The following SUPT5H variants were observed in gnomAD, a reference collection of about 807,000 sequenced individuals.
SUPT5H encodes the protein transcription elongation factor SPT5.
In SUPT5H, 24 loss-of-function variants were observed where a neutral mutation model predicts 142.5. That is an observed-to-expected ratio of 0.17 (90% confidence interval 0.12 to 0.24). SUPT5H has a LOEUF of 0.24. Among genes scored for constraint, SUPT5H ranks in the 10% least tolerant of loss-of-function variants. The probability of loss-of-function intolerance (pLI) is 1.00; values close to 1 mark genes in which losing one functional copy is unlikely to be tolerated. For synonymous variants in SUPT5H, 546 were observed against 553.0 expected, an observed-to-expected ratio of 0.99 and a Z score of 0.18; for missense variants, 893 against 1,471.8, an observed-to-expected ratio of 0.61 and a Z score of 6.43.
intron 9 of SUPT5H, 142 bp from the exon 10 acceptor site, chr19:39,459,750 C>T (rs2079137191): frequency 2.3e-6 from 3 of 1,279,250 alleles, no homozygotes; most frequent in Admixed American, 1.8e-5. Context: ...TATCTCCCAC[C>T]TCCATCTTCC....
Position 39,470,293 on chromosome 19 carries a change from C to T in SUPT5H, c.1530+19C>T, listed in dbSNP as rs113504627. 2.0e-5 allele frequency: 31 copies of T among 1,553,260 alleles called. No individual in the cohort carries two copies. Among genetic ancestry groups the T allele is most frequent in the Middle Eastern group, 3.4e-4 (2 of 5,810 alleles). On this transcript the variant is annotated intron_variant, in intron 17 of 29. Transcript: ENST00000432763. This position sits in a 1 kb window ranked among gnomAD's most constrained non-coding sequence, Gnocchi z 5.8. Reference sequence around the variant, plus strand: ...GCATGAGGTAGGTGGATAGAAGGGTCGGGGAAGGGTGCACGTGCCAAGAGG... The same window carrying T: ...GCATGAGGTAGGTGGATAGAAGGGTTGGGGAAGGGTGCACGTGCCAAGAGG...
At position 39,471,348 on chromosome 19, in the gene SUPT5H, C is replaced by G. The variant is rs1300251241; in HGVS notation, c.1678-9C>G. 6.2e-7 allele frequency: 1 copy of G among 1,614,168 alleles called. No individual in the cohort carries two copies. The highest frequency in any genetic ancestry group is 8.5e-7 in the Non-Finnish European group (1 of 1,180,022). On this transcript the variant is annotated splice_polypyrimidine_tract_variant and intron_variant, in intron 18 of 29. Coordinates refer to ENST00000432763, the MANE Select transcript of SUPT5H (RefSeq NM_001111020.3). ...TCACCCCCACAGCCTCCCTGCTCTC[C>G]CTCTGTAGGTGCTGAACATGTACGG...
At position 39,476,223 on chromosome 19, in the gene SUPT5H, C is replaced by G. The variant is rs967954051; in HGVS notation, c.3121-33C>G. 3 of 1,613,972 alleles carry G rather than the reference C, an allele frequency of 1.9e-6. No individual in the cohort carries two copies. In the African/African-American group the frequency reaches 4.0e-5, roughly 22 times the overall value. On this transcript the variant is annotated intron_variant, in intron 29 of 29. Transcript: ENST00000432763. The stretch of plus-strand genomic sequence containing the variant: ...ATAAGATGGGGCCGTTGGGTGCTGA[C>G]ATGGACCCTGACCATATTCCCCCCA...
Position 39,473,040 on chromosome 19 carries a change from A to G in SUPT5H, c.2184A>G (p.Thr728=). ...KGYIGVVKDA[T]ESTARVELHS... is the part of the protein sequence containing the mutation. ...ACATCGGTGTGGTGAAAGATGCCAC[A>G]GAGTCCACGGCCCGTGTGGAGCTGC... The change falls in exon 23 of 30, where the codon ACA becomes ACG. Residue 728 remains threonine (T), a synonymous_variant. Coordinates refer to ENST00000432763, the MANE Select transcript of SUPT5H (RefSeq NM_001111020.3). This position sits in a 1 kb window ranked among gnomAD's most constrained non-coding sequence, Gnocchi z 5.8. 2 of 1,613,884 alleles carry G rather than the reference A, an allele frequency of 1.2e-6. No homozygotes were observed. Among genetic ancestry groups the G allele is most frequent in the Non-Finnish European group, 1.7e-6 (2 of 1,179,892 alleles).
At position 39,474,419 on chromosome 19, in the gene SUPT5H, C is replaced by T. The variant is rs1417268375; in HGVS notation, c.2820+17C>T. Reference sequence around the variant, plus strand: ...GCCTATCAGGTAATGGTCTGCCTGCCTGCCCTGAAGGGTGGTGGGCTAGGG... The same window carrying T: ...GCCTATCAGGTAATGGTCTGCCTGCTTGCCCTGAAGGGTGGTGGGCTAGGG... On this transcript the variant is annotated intron_variant, in intron 27 of 29. Coordinates refer to ENST00000432763, the MANE Select transcript of SUPT5H (RefSeq NM_001111020.3). The surrounding 1 kb of genome is among the most constrained non-coding windows in gnomAD (Gnocchi z 6.5). 9.3e-6 allele frequency: 15 copies of T among 1,612,260 alleles called. No homozygotes were observed. Among genetic ancestry groups the T allele is most frequent in the Non-Finnish European group, 1.3e-5 (15 of 1,178,700 alleles).
intron 3 of SUPT5H, among the ~76,000 whole-genome samples, chr19:39,455,757 G>A (rs1192836007): frequency 6.6e-6 from 1 of 150,766 alleles, no homozygotes; most frequent in Non-Finnish European, 1.5e-5. Context: ...CGAGTAGCTG[G>A]GATTACAGGT....
chr19:39,458,997 T>C lies in SUPT5H; in HGVS notation c.390-8T>C. On this transcript the variant is annotated splice_region_variant and splice_polypyrimidine_tract_variant and intron_variant, in intron 6 of 29. Coordinates refer to ENST00000432763, the MANE Select transcript of SUPT5H (RefSeq NM_001111020.3). The surrounding 1 kb of genome is among the most constrained non-coding windows in gnomAD (Gnocchi z 4.2). ...CAATTCGTGTTTGCTTCCCCACTCG[T>C]GCTCCAGGGACCAGCGAGAAGAAGA... 1 of 1,614,070 alleles carries C rather than the reference T, an allele frequency of 6.2e-7. No homozygotes were observed.
intron 3 of SUPT5H, among the ~76,000 whole-genome samples, chr19:39,457,068 C>T (rs1189830567): frequency 6.6e-6 from 1 of 152,192 alleles, no homozygotes; most frequent in Non-Finnish European, 1.5e-5. Context: ...GCAGTACATC[C>T]AACATGGTAA....
intron 2 of SUPT5H, among the ~76,000 whole-genome samples, chr19:39,452,507 A>G (rs952580185): frequency 2.0e-5 from 3 of 152,150 alleles, no homozygotes; most frequent in Admixed American, 6.6e-5. Context: ...GCAGAAGCCA[A>G]GAGAGGAGCA....
intron 3 of SUPT5H, among the ~76,000 whole-genome samples, chr19:39,456,307 GC>G (rs2079088551): frequency 6.6e-6 from 1 of 150,872 alleles, no homozygotes; most frequent in South Asian, 2.1e-4. Flanking sequence ...ATGGCTCACT[GC>G]AGCCTCTACC....
chr19:39,462,830 CTTA>C (rs1425891569), intron 10 of SUPT5H, among the ~76,000 whole-genome samples: 1 of 138,194 alleles, frequency 7.2e-6, no homozygotes, highest in Non-Finnish European at 1.5e-5. Context: ...TGTGCCCAGC[CTTA>C]ATTTTCTTTT....
At position 39,458,254 on chromosome 19, in the gene SUPT5H, CA is replaced by C. The variant is rs2079116910; in HGVS notation, c.308-39del. On this transcript the variant is annotated intron_variant, in intron 4 of 29. Transcript: ENST00000432763. The surrounding 1 kb of genome is among the most constrained non-coding windows in gnomAD (Gnocchi z 4.2). ...CGCCCACCACCACCACCACCACCAC[CA>C]CCACCACCACCACCACCACCTCCTC... The C allele has an allele frequency of 1.3e-6, 2 of 1,494,606 alleles. No homozygotes were observed. Among genetic ancestry groups the C allele is most frequent in the Admixed American group, 1.8e-5 (1 of 56,372 alleles). 92.6% of individuals were successfully genotyped at this position (1,494,606 alleles called of 1,614,324 possible). A position where few individuals can be genotyped will look rare whatever the true frequency, so the allele number is the denominator to read the frequency against.
At chr19:39,471,328 C>T (rs1323119279) in intron 18 of SUPT5H, 29 bp from the exon 19 acceptor site, 1 of 1,613,982 alleles carries the variant, frequency 6.2e-7, no homozygotes, top group Non-Finnish European at 8.5e-7. Context: ...CATTCTCACC[C>T]CCACAGCCTC....
chr19:39,465,198 G>T lies in SUPT5H; in HGVS notation c.876+149G>T. On this transcript the variant is annotated intron_variant, in intron 11 of 29. Coordinates refer to ENST00000432763, the MANE Select transcript of SUPT5H (RefSeq NM_001111020.3). ...AGAGCCTGGGTTTTGTGAGCACACA[G>T]GAAACGGTTGGCTGTCTTCTGTGCA... 4 of 1,220,584 alleles carry T rather than the reference G, an allele frequency of 3.3e-6. No individual in the cohort carries two copies. In the South Asian group the frequency reaches 4.5e-5, roughly 14 times the overall value. 75.6% of individuals were successfully genotyped at this position (1,220,584 alleles called of 1,614,324 possible).
At chr19:39,461,992 G>A (rs1304050800) in intron 10 of SUPT5H, among the ~76,000 whole-genome samples, 1 of 151,832 alleles carries the variant, frequency 6.6e-6, no homozygotes, top group Non-Finnish European at 1.5e-5. Flanking sequence ...GGAGTGCAAT[G>A]GTGTGGTCTC....
At position 39,466,788 on chromosome 19, in the gene SUPT5H, G is replaced by A. The variant is rs745380360; in HGVS notation, c.1037+43G>A. ...CTGGCTGGGCTGGGTCCCCAGGGCC[G>A]GTGTGTAGAATGTGCCTTTTGCAGG... On this transcript the variant is annotated intron_variant, in intron 13 of 29. Coordinates refer to ENST00000432763, the MANE Select transcript of SUPT5H (RefSeq NM_001111020.3). This position sits in a 1 kb window ranked among gnomAD's most constrained non-coding sequence, Gnocchi z 4.3. The A allele has an allele frequency of 3.1e-6, 5 of 1,597,964 alleles. No homozygotes were observed. The highest frequency in any genetic ancestry group is 3.3e-5 in the Admixed American group (2 of 59,994).
chr19:39,469,913 G>T lies in SUPT5H; in HGVS notation c.1375-206G>T. 1 of 611,112 alleles carries T rather than the reference G, an allele frequency of 1.6e-6. No homozygotes were observed. Among genetic ancestry groups the T allele is most frequent in the Non-Finnish European group, 2.8e-6 (1 of 357,554 alleles). 37.9% of individuals were successfully genotyped at this position (611,112 alleles called of 1,614,324 possible). A position where few individuals can be genotyped will look rare whatever the true frequency, so the allele number is the denominator to read the frequency against. ...TTGAGGGCGGGCTGGGGTAAAGGTTGTCCAGGTTGGTGTCCTGTGTCTGGG... is the reference window on the plus strand; with the variant it reads ...TTGAGGGCGGGCTGGGGTAAAGGTTTTCCAGGTTGGTGTCCTGTGTCTGGG... On this transcript the variant is annotated intron_variant, in intron 16 of 29. Coordinates refer to ENST00000432763, the MANE Select transcript of SUPT5H (RefSeq NM_001111020.3). The surrounding 1 kb of genome is among the most constrained non-coding windows in gnomAD (Gnocchi z 5.1).
Position 39,473,468 on chromosome 19 carries a change from C to T in SUPT5H, c.2439C>T (p.Arg813=), listed in dbSNP as rs775431532. 10 of 1,612,992 alleles carry T rather than the reference C, an allele frequency of 6.2e-6. No homozygotes were observed. The South Asian group carries it at 1.1e-4, about 18-fold the overall frequency. Residue 813 remains arginine, a synonymous_variant, in exon 25 of 30, where the codon CGC becomes CGT. Transcript: ENST00000432763. This position sits in a 1 kb window ranked among gnomAD's most constrained non-coding sequence, Gnocchi z 5.8. ...AGACGCCCCTGCATGATGGCAGCCG[C>T]ACTCCTGCCCAGAGTGGGGCCTGGG... ...GSQTPLHDGS[R]TPAQSGAWDP...
chr19:39,475,795 T>G, intron 28 of SUPT5H: 2 of 411,952 alleles, frequency 4.9e-6, no homozygotes, highest in Admixed American at 4.0e-5. Flanking sequence ...GAGGAGCAGG[T>G]GTGGGGAAGA....
Sources: allele counts gnomAD v4.1 joint callset (sites outside exome capture counted in the v4.1 genomes callset), GRCh38; gene constraint gnomAD v4.1.1; non-coding constraint Gnocchi (gnomAD v3.1); transcripts MANE v1.5; gene names NCBI Gene and HGNC (gene_info 2026-07-23, HGNC 2026-07-21).